SPRR2G: variants seen among roughly 807,000 people sequenced by gnomAD.
SPRR2G encodes small proline-rich protein 2G.
SPRR2G carries 1 observed loss-of-function variant against 0.7 expected under a neutral mutation model. That is an observed-to-expected ratio of 1.49 (90% CI 0.53 to 7.06). The LOEUF (loss-of-function observed/expected upper bound fraction) is 7.06, where lower values mean the gene tolerates loss of function less well. SPRR2G is among the 30% of genes most tolerant of loss of function. SPRR2G has a pLI of 0.14. For missense variants in SPRR2G, 96 were observed against 88.5 expected (o/e 1.09, Z -0.34); for synonymous variants, 38 against 33.9 (o/e 1.12, Z -0.42).
the SPRR2G span, among the ~76,000 whole-genome samples, chr1:153,193,448 ACACT>A: frequency 2.6e-5 from 4 of 152,206 alleles, no homozygotes; most frequent in East Asian, 3.8e-4. Flanking sequence ...GCATGCACAC[ACACT>A]CACACGCACA....
the SPRR2G span, among the ~76,000 whole-genome samples, chr1:153,168,333 T>C: frequency 6.6e-6 from 1 of 152,220 alleles, no homozygotes; most frequent in Non-Finnish European, 1.5e-5. Context: ...GAACTTTCAC[T>C]GAATCTTACA....
the SPRR2G span, among the ~76,000 whole-genome samples, chr1:153,162,910 G>T: frequency 6.6e-6 from 1 of 152,056 alleles, no homozygotes; most frequent in Non-Finnish European, 1.5e-5. Context: ...ACATAATTTG[G>T]GTCAAAGAAA....
the SPRR2G span, among the ~76,000 whole-genome samples, chr1:153,172,311 CT>C: frequency 6.6e-6 from 1 of 152,188 alleles, no homozygotes; most frequent in South Asian, 2.1e-4. Context: ...CCACAGAGTT[CT>C]TTCCTGGTGG....
At chr1:153,202,816 C>A in the SPRR2G span, among the ~76,000 whole-genome samples, 2 of 152,162 alleles carry the variant, frequency 1.3e-5, no homozygotes, top group Non-Finnish European at 2.9e-5. Flanking sequence ...AGTTCAGGCA[C>A]CCTGTGTCTA....
Position 153,149,743 on chromosome 1 carries a change from G to A in SPRR2G, c.*146C>T, listed in dbSNP as rs903458084. 1.2e-5 allele frequency: 12 copies of A among 1,028,254 alleles called. No homozygotes were observed. The Admixed American group carries it at 2.1e-4, about 18-fold the overall frequency. 63.7% of individuals were successfully genotyped at this position (1,028,254 alleles called of 1,614,324 possible). On this transcript the variant is annotated 3_prime_UTR_variant, in exon 2 of 2. Coordinates refer to ENST00000368748, the MANE Select transcript of SPRR2G (RefSeq NM_001014291.4). Reference sequence around the variant, plus strand: ...ACAACATATCGGTTTTCAGAACTAAGCCTTTTCTCTGTCAACGCTCAAGCC... The same window carrying A: ...ACAACATATCGGTTTTCAGAACTAAACCTTTTCTCTGTCAACGCTCAAGCC...
chr1:153,180,209 A>G, the SPRR2G span, among the ~76,000 whole-genome samples: 1 of 152,204 alleles, frequency 6.6e-6, no homozygotes. Flanking sequence ...AAGAAATAAC[A>G]TGTTACCAGC....
the SPRR2G span, among the ~76,000 whole-genome samples, chr1:153,183,125 A>G: frequency 2.7e-5 from 4 of 148,006 alleles, no homozygotes; most frequent in East Asian, 2.0e-4. Context: ...CTAGAGTGCA[A>G]TGGCATGATC....
chr1:153,152,630 G>C (rs943070148), upstream of SPRR2G, among the ~76,000 whole-genome samples: 7 of 152,168 alleles, frequency 4.6e-5, no homozygotes, highest in African/African-American at 1.7e-4. Context: ...AGTCATCTAA[G>C]TTACTATCAG....
At chr1:153,162,953 A>G in the SPRR2G span, among the ~76,000 whole-genome samples, 1 of 152,316 alleles carries the variant, frequency 6.6e-6, no homozygotes, top group African/African-American at 2.4e-5. Flanking sequence ...CATCAGTTCT[A>G]ATGCCTAAAA....
At chr1:153,201,836 A>T in the SPRR2G span, among the ~76,000 whole-genome samples, 1 of 152,256 alleles carries the variant, frequency 6.6e-6, no homozygotes. Flanking sequence ...AGGTCTCCCC[A>T]GTGGCCCAAG....
At chr1:153,169,981 T>C in the SPRR2G span, among the ~76,000 whole-genome samples, 6 of 152,348 alleles carry the variant, frequency 3.9e-5, no homozygotes, top group African/African-American at 1.4e-4. Flanking sequence ...ATTTCATCAT[T>C]CTTCAGTTCA....
At chr1:153,167,890 T>C in the SPRR2G span, among the ~76,000 whole-genome samples, 9 of 152,224 alleles carry the variant, frequency 5.9e-5, no homozygotes, top group African/African-American at 2.2e-4. Flanking sequence ...TTTAATCATG[T>C]AATACTTGCT....
the SPRR2G span, among the ~76,000 whole-genome samples, chr1:153,156,922 C>G: frequency 2.6e-5 from 4 of 152,106 alleles, no homozygotes; most frequent in African/African-American, 9.7e-5. Context: ...AATATTTCTT[C>G]TGAATGTCAC....
At chr1:153,163,324 T>C in the SPRR2G span, among the ~76,000 whole-genome samples, 6 of 152,244 alleles carry the variant, frequency 3.9e-5, no homozygotes, top group Non-Finnish European at 8.8e-5. Context: ...AAAAATATGG[T>C]TGTCTACACA....
At chr1:153,156,369 A>T in the SPRR2G span, among the ~76,000 whole-genome samples, 2 of 152,158 alleles carry the variant, frequency 1.3e-5, no homozygotes, top group African/African-American at 4.8e-5. Context: ...ATATTTGGAT[A>T]CTCCATGACA....
the SPRR2G span, among the ~76,000 whole-genome samples, chr1:153,200,163 C>T: frequency 6.6e-6 from 1 of 152,104 alleles, no homozygotes; most frequent in Non-Finnish European, 1.5e-5. Flanking sequence ...ACATTGATAT[C>T]AACCCTTCCT....
chr1:153,149,835 T>G lies in SPRR2G; in HGVS notation c.*54A>C, dbSNP rs1656419610. On this transcript the variant is annotated 3_prime_UTR_variant, in exon 2 of 2. Coordinates refer to ENST00000368748, the MANE Select transcript of SPRR2G (RefSeq NM_001014291.4). Reference sequence around the variant, plus strand: ...AGGGAAGATGATGGAGTCCTGGGAGTAAGAAGAGCCACTGGATCTTGTTGT... The same window carrying G: ...AGGGAAGATGATGGAGTCCTGGGAGGAAGAAGAGCCACTGGATCTTGTTGT... The G allele has an allele frequency of 6.2e-7, 1 of 1,600,514 alleles. No individual in the cohort carries two copies. The highest frequency in any genetic ancestry group is 2.2e-5 in the East Asian group (1 of 44,804).
At chr1:153,155,908 C>T in the SPRR2G span, among the ~76,000 whole-genome samples, 1 of 152,204 alleles carries the variant, frequency 6.6e-6, no homozygotes, top group Non-Finnish European at 1.5e-5. Context: ...ACCTAAGAGT[C>T]CCATAAAACA....
At chr1:153,176,785 A>C in the SPRR2G span, 1 of 152,258 alleles carries the variant, frequency 6.6e-6, no homozygotes, top group Non-Finnish European at 1.5e-5. Context: ...AAGCCCAGCA[A>C]TAATGCATTG....
Sources: allele counts gnomAD v4.1 joint callset (sites outside exome capture counted in the v4.1 genomes callset), GRCh38; gene constraint gnomAD v4.1.1; transcripts MANE v1.5; gene names NCBI Gene and HGNC (gene_info 2026-07-23, HGNC 2026-07-21).